MARCHF11: variants seen among roughly 807,000 people sequenced by gnomAD.
The protein encoded by MARCHF11 is membrane associated ring-CH-type finger 11.
Under a neutral mutation model 37.3 loss-of-function variants are expected in MARCHF11, and 29 were observed. The ratio of observed to expected loss-of-function variants is 0.78; its 90% CI spans 0.58 to 1.06. The LOEUF (loss-of-function observed/expected upper bound fraction) is 1.06, where lower values mean the gene tolerates loss of function less well. Among genes scored for constraint, MARCHF11 ranks in the 50% least tolerant of loss-of-function variants. The pLI is 0.00. For missense variants in MARCHF11, 482 were observed against 533.4 expected, an observed-to-expected ratio of 0.90 and a Z score of 0.95; for synonymous variants, 233 against 228.0, an observed-to-expected ratio of 1.02 and a Z score of -0.20.
At chr5:16,168,571 C>A (rs1738208266) in intron 2 of MARCHF11, among the ~76,000 whole-genome samples, 1 of 152,094 alleles carries the variant, frequency 6.6e-6, no homozygotes, top group Non-Finnish European at 1.5e-5. Flanking sequence ...TTCAAAATTT[C>A]TTTCTGCTTC....
chr5:16,117,210 C>G (rs879756651), intron 2 of MARCHF11, among the ~76,000 whole-genome samples: 8 of 152,120 alleles, frequency 5.3e-5, no homozygotes, highest in Admixed American at 5.2e-4. Context: ...AGCTAAGCAC[C>G]AGGATTGCTC....
At chr5:16,086,925 G>A (rs1285712520) in intron 3 of MARCHF11, among the ~76,000 whole-genome samples, 1 of 152,202 alleles carries the variant, frequency 6.6e-6, no homozygotes, top group African/African-American at 2.4e-5. Context: ...CTTCTGCCGG[G>A]CAGGTGTACT....
intron 2 of MARCHF11, among the ~76,000 whole-genome samples, chr5:16,102,089 G>C (rs1037657049): frequency 1.3e-5 from 2 of 152,180 alleles, no homozygotes; most frequent in Admixed American, 1.3e-4. Context: ...GTATATCTTA[G>C]AACAATTGTA....
At chr5:16,123,303 A>G (rs1737343256) in intron 2 of MARCHF11, among the ~76,000 whole-genome samples, 1 of 152,146 alleles carries the variant, frequency 6.6e-6, no homozygotes, top group Admixed American at 6.6e-5. Flanking sequence ...TCTCCTTATA[A>G]GAAGAGGAGA....
At chr5:16,142,805 C>T (rs1737733921) in intron 2 of MARCHF11, among the ~76,000 whole-genome samples, 1 of 148,218 alleles carries the variant, frequency 6.7e-6, no homozygotes, top group Non-Finnish European at 1.5e-5. Flanking sequence ...GATTCTCCTG[C>T]CTCAGCCTCC....
chr5:16,148,316 T>A (rs1011457128), intron 2 of MARCHF11, among the ~76,000 whole-genome samples: 5 of 152,156 alleles, frequency 3.3e-5, no homozygotes, highest in African/African-American at 1.2e-4. Flanking sequence ...ACATATTTCA[T>A]AATCCTACTT....
chr5:16,130,180 T>G (rs993212074), intron 2 of MARCHF11, among the ~76,000 whole-genome samples: 1 of 151,936 alleles, frequency 6.6e-6, no homozygotes, highest in African/African-American at 2.4e-5. Context: ...TTTTGGAAAT[T>G]TGGTCCACTT....
intron 2 of MARCHF11, among the ~76,000 whole-genome samples, chr5:16,135,878 T>C (rs1327536320): frequency 1.5e-5 from 1 of 67,250 alleles, no homozygotes; most frequent in Non-Finnish European, 2.8e-5. Flanking sequence ...GTGAAAGAGA[T>C]TTAAAAAAAA....
intron 2 of MARCHF11, among the ~76,000 whole-genome samples, chr5:16,145,847 T>G (rs553913554): frequency 3.3e-5 from 5 of 152,282 alleles, no homozygotes; most frequent in African/African-American, 1.2e-4. Context: ...GTAGTAAACT[T>G]TCTTATGTTT....
chr5:16,118,890 T>C (rs1737264290), intron 2 of MARCHF11, among the ~76,000 whole-genome samples: 2 of 152,074 alleles, frequency 1.3e-5, no homozygotes, highest in African/African-American at 4.8e-5. Context: ...GAAGTGTGTA[T>C]AACACTTTTA....
At chr5:16,101,297 A>T (rs1445566640) in intron 2 of MARCHF11, among the ~76,000 whole-genome samples, 1 of 152,094 alleles carries the variant, frequency 6.6e-6, no homozygotes, top group East Asian at 1.9e-4. Context: ...AGTGGCGTGA[A>T]CCCCGGAGGC....
chr5:16,115,942 T>A (rs1188779217), intron 2 of MARCHF11, among the ~76,000 whole-genome samples: 1 of 152,222 alleles, frequency 6.6e-6, no homozygotes, highest in Non-Finnish European at 1.5e-5. Flanking sequence ...TTTACTTTTT[T>A]AAATTCATAT....
intron 2 of MARCHF11, among the ~76,000 whole-genome samples, chr5:16,129,878 G>T (rs1025956789): frequency 3.3e-5 from 5 of 152,046 alleles, no homozygotes; most frequent in African/African-American, 1.2e-4. Flanking sequence ...TGTTACCAGA[G>T]CGAGGAAAGC....
chr5:16,085,933 C>T (rs1476909213), intron 3 of MARCHF11, among the ~76,000 whole-genome samples: 1 of 68,450 alleles, frequency 1.5e-5, no homozygotes, highest in Non-Finnish European at 2.7e-5. Context: ...GAGCAAGACT[C>T]CATCTCAAAA....
chr5:16,094,351 A>G (rs982838189), intron 2 of MARCHF11, among the ~76,000 whole-genome samples: 1 of 152,204 alleles, frequency 6.6e-6, no homozygotes, highest in Admixed American at 6.5e-5. Flanking sequence ...AAAGTAGAAA[A>G]TAAGTCTCGT....
At chr5:16,104,647 C>T (rs1233161843) in intron 2 of MARCHF11, among the ~76,000 whole-genome samples, 1 of 150,584 alleles carries the variant, frequency 6.6e-6, no homozygotes, top group Non-Finnish European at 1.5e-5. Context: ...CATAACCCAA[C>T]AGAGAGGGAA....
intron 3 of MARCHF11, among the ~76,000 whole-genome samples, chr5:16,070,052 T>C (rs1264134834): frequency 6.6e-6 from 1 of 152,220 alleles, no homozygotes; most frequent in African/African-American, 2.4e-5. Context: ...ATGAGAAATG[T>C]AAACTTCTGT....
rs766565284 is a variant in MARCHF11 at position 16,179,120 on chromosome 5, A to ACTG, written c.453_455dup (p.Ser152dup). The ACTG allele has an allele frequency of 1.2e-5, 18 of 1,490,758 alleles. No homozygotes were observed. Among genetic ancestry groups the ACTG allele is most frequent in the South Asian group, 2.5e-5 (2 of 80,810 alleles). The allele number at this position is 1,490,758 out of a possible 1,614,324, so 92.3% of individuals were successfully genotyped here. Reference sequence around the variant, plus strand: ...GCCCAGCGCGCTGGTCGCCGCCGCCACTGCTGCTGCTGCGGCTGCTGCACA... The same window carrying ACTG: ...GCCCAGCGCGCTGGTCGCCGCCGCCACTGCTGCTGCTGCTGCGGCTGCTGCACA... On this transcript the variant is annotated inframe_insertion, in exon 1 of 4. Transcript: ENST00000332432.
At chr5:16,149,482 T>G (rs1737854458) in intron 2 of MARCHF11, among the ~76,000 whole-genome samples, 1 of 152,104 alleles carries the variant, frequency 6.6e-6, no homozygotes, top group Non-Finnish European at 1.5e-5. Context: ...AACTCTTTGG[T>G]AATATCTACT....
Sources: gnomAD v4.1 joint callset for allele counts (sites outside exome capture counted in the v4.1 genomes callset) on GRCh38, gnomAD v4.1.1 for gene constraint, MANE v1.5 for transcripts, NCBI Gene and HGNC (gene_info 2026-07-23, HGNC 2026-07-21) for gene names.